The following NXPE4 variants were observed in gnomAD, a reference collection of about 807,000 sequenced individuals.
The protein encoded by NXPE4 is neurexophilin and PC-esterase domain family member 4.
NXPE4 carries 42 observed loss-of-function variants against 33.3 expected under a neutral mutation model. The ratio of observed to expected loss-of-function variants is 1.26; its 90% CI spans 0.98 to 1.63. The LOEUF (loss-of-function observed/expected upper bound fraction) is 1.63, where lower values mean the gene tolerates loss of function less well. Among genes scored for constraint, NXPE4 ranks in the 40% most tolerant of loss-of-function variants. NXPE4 has a pLI of 0.00. For missense variants in NXPE4, 709 were observed against 647.6 expected, an observed-to-expected ratio of 1.09 and a Z score of -1.03; for synonymous variants, 253 against 234.9, an observed-to-expected ratio of 1.08 and a Z score of -0.71.
intron 2 of NXPE4, among the ~76,000 whole-genome samples, chr11:114,593,901 T>A (rs1353867579): frequency 2.0e-5 from 3 of 152,166 alleles, no homozygotes; most frequent in African/African-American, 7.2e-5. Context: ...GGTCATTATG[T>A]TAAGTGAAAT....
At chr11:114,617,501 G>A in the NXPE4 span, among the ~76,000 whole-genome samples, 1 of 152,120 alleles carries the variant, frequency 6.6e-6, no homozygotes, top group Non-Finnish European at 1.5e-5. Flanking sequence ...GGTAACCACT[G>A]TTAACCGGTG....
At chr11:114,643,135 C>A in the NXPE4 span, among the ~76,000 whole-genome samples, 1 of 151,848 alleles carries the variant, frequency 6.6e-6, no homozygotes, top group Non-Finnish European at 1.5e-5. Flanking sequence ...AATTTAAGTT[C>A]TTTGTAGATT....
At chr11:114,628,256 C>A in the NXPE4 span, among the ~76,000 whole-genome samples, 1 of 148,782 alleles carries the variant, frequency 6.7e-6, no homozygotes, top group African/African-American at 2.5e-5. Flanking sequence ...CCAAAATTGA[C>A]CATATACTTG....
At chr11:114,661,570 A>G in the NXPE4 span, among the ~76,000 whole-genome samples, 1 of 152,222 alleles carries the variant, frequency 6.6e-6, no homozygotes, top group East Asian at 1.9e-4. Context: ...TGGGTTGCTA[A>G]GTACAAGCAT....
At chr11:114,575,286 C>T (rs145182405) in intron 5 of NXPE4, among the ~76,000 whole-genome samples, 1,809 of 152,148 alleles carry the variant, frequency 0.012, 37 homozygotes, top group African/African-American at 0.041. Flanking sequence ...TGGAACAAGA[C>T]AAGAATGCCC....
chr11:114,645,701 G>A, the NXPE4 span, among the ~76,000 whole-genome samples: 1 of 151,866 alleles, frequency 6.6e-6, no homozygotes, highest in African/African-American at 2.4e-5. Flanking sequence ...GAAAAATGAA[G>A]AAAAGACATG....
chr11:114,606,288 TA>T, the NXPE4 span, among the ~76,000 whole-genome samples: 24,617 of 151,644 alleles, frequency 0.16, 2,167 homozygotes, highest in South Asian at 0.21. Flanking sequence ...TGGTGGATAA[TA>T]AATGTTGCCT....
intron 5 of NXPE4, among the ~76,000 whole-genome samples, chr11:114,579,606 A>G (rs1435288945): frequency 1.3e-5 from 2 of 152,218 alleles, no homozygotes; most frequent in Non-Finnish European, 2.9e-5. Flanking sequence ...AAGAGAAGTT[A>G]TGTAAGAAAC....
chr11:114,672,865 G>T, the NXPE4 span, among the ~76,000 whole-genome samples: 2 of 151,514 alleles, frequency 1.3e-5, no homozygotes, highest in East Asian at 3.9e-4. Context: ...AATAGTTAGA[G>T]ACTTCAATAT....
chr11:114,593,477 T>C (rs1327936786), intron 2 of NXPE4, among the ~76,000 whole-genome samples: 1 of 152,120 alleles, frequency 6.6e-6, no homozygotes, highest in East Asian at 1.9e-4. Flanking sequence ...CAGTGTAATA[T>C]AATCTCACTC....
chr11:114,607,935 T>C, the NXPE4 span, among the ~76,000 whole-genome samples: 3 of 151,850 alleles, frequency 2.0e-5, no homozygotes, highest in Non-Finnish European at 4.4e-5. Flanking sequence ...TATTGCCTCA[T>C]GTCTAACCAC....
the NXPE4 span, among the ~76,000 whole-genome samples, chr11:114,656,607 T>A: frequency 4.5e-4 from 68 of 152,070 alleles, no homozygotes; most frequent in African/African-American, 1.5e-3. Context: ...ATATACTTAA[T>A]ACAGTACTGA....
At chr11:114,604,920 C>T in the NXPE4 span, among the ~76,000 whole-genome samples, 2 of 151,966 alleles carry the variant, frequency 1.3e-5, no homozygotes, top group South Asian at 4.1e-4. Context: ...ATTAGTGTTG[C>T]CTCTAGGGTA....
the NXPE4 span, among the ~76,000 whole-genome samples, chr11:114,644,971 AG>A: frequency 6.6e-6 from 1 of 152,142 alleles, no homozygotes; most frequent in South Asian, 2.1e-4. Flanking sequence ...TTGATGAAAA[AG>A]CATAAACACT....
At chr11:114,573,433 C>A (rs1948934074) in intron 5 of NXPE4, among the ~76,000 whole-genome samples, 1 of 151,442 alleles carries the variant, frequency 6.6e-6, no homozygotes, top group Non-Finnish European at 1.5e-5. Flanking sequence ...GGTAAGAATT[C>A]ACCAGCCAAG....
the NXPE4 span, among the ~76,000 whole-genome samples, chr11:114,626,003 C>G: frequency 1.3e-5 from 2 of 152,196 alleles, no homozygotes; most frequent in Admixed American, 6.5e-5. Context: ...GATTATATCC[C>G]GCATTTGGCT....
At chr11:114,646,724 T>C in the NXPE4 span, among the ~76,000 whole-genome samples, 2 of 152,222 alleles carry the variant, frequency 1.3e-5, no homozygotes, top group Non-Finnish European at 2.9e-5. Flanking sequence ...AGATAGTTTC[T>C]CTTTATTAAT....
the NXPE4 span, among the ~76,000 whole-genome samples, chr11:114,663,345 G>A: frequency 6.6e-6 from 1 of 152,184 alleles, no homozygotes; most frequent in Non-Finnish European, 1.5e-5. Context: ...GCCTGCCAAT[G>A]TCTGGATTGG....
chr11:114,632,751 A>ATAATTATATATATAATT, the NXPE4 span, among the ~76,000 whole-genome samples: 1 of 36,312 alleles, frequency 2.8e-5, no homozygotes, highest in African/African-American at 8.4e-5. Flanking sequence ...AATATATTAT[A>ATAATTATATATATAATT]ATATATCATA....
Sources: gnomAD v4.1 joint callset for allele counts (sites outside exome capture counted in the v4.1 genomes callset) on GRCh38, gnomAD v4.1.1 for gene constraint, MANE v1.5 for transcripts, NCBI Gene and HGNC (gene_info 2026-07-23, HGNC 2026-07-21) for gene names.